The following SNX29 variants were observed in gnomAD, a reference collection of about 807,000 sequenced individuals.
SNX29 encodes the protein sorting nexin-29.
In SNX29, 78 loss-of-function variants were observed where a neutral mutation model predicts 102.1. The observed-to-expected ratio is 0.76, with a 90% CI of 0.64 to 0.92. The LOEUF is 0.92. Among genes scored for constraint, SNX29 ranks in the 40% least tolerant of loss-of-function variants. The probability of loss-of-function intolerance (pLI) is 0.00; values close to 1 mark genes in which losing one functional copy is unlikely to be tolerated. For missense variants in SNX29, 1,280 were observed against 1,061.7 expected, an observed-to-expected ratio of 1.21 and a Z score of -2.86; for synonymous variants, 580 against 414.5, an observed-to-expected ratio of 1.40 and a Z score of -4.85.
At chr16:12,073,812 T>C (rs2051416951) in intron 10 of SNX29, among the ~76,000 whole-genome samples, 1 of 152,054 alleles carries the variant, frequency 6.6e-6, no homozygotes, top group South Asian at 2.1e-4. Context: ...TAAGTCTCTT[T>C]GTAGGTCACT....
chr16:12,427,615 C>G (rs2085135160), intron 18 of SNX29, among the ~76,000 whole-genome samples: 1 of 152,146 alleles, frequency 6.6e-6, no homozygotes, highest in Admixed American at 6.5e-5. Context: ...AACAGTGACC[C>G]AAAGCATCGG....
At chr16:12,552,236 C>T (rs139360111) in intron 20 of SNX29, among the ~76,000 whole-genome samples, 441 of 149,428 alleles carry the variant, frequency 3.0e-3, no homozygotes, top group Non-Finnish European at 5.1e-3. Context: ...CAGCACCATG[C>T]CCCAGCTTTG....
At chr16:12,545,325 G>C (rs2077541936) in intron 20 of SNX29, among the ~76,000 whole-genome samples, 1 of 149,080 alleles carries the variant, frequency 6.7e-6, no homozygotes, top group East Asian at 1.9e-4. Flanking sequence ...ATCCACCAGA[G>C]AAAGGGTGTC....
chr16:12,438,987 C>A (rs753442627), intron 18 of SNX29, among the ~76,000 whole-genome samples: 1 of 152,174 alleles, frequency 6.6e-6, no homozygotes, highest in African/African-American at 2.4e-5. Context: ...GGATTGTCCA[C>A]CTGCCATGTA....
intron 16 of SNX29, among the ~76,000 whole-genome samples, chr16:12,357,030 T>G (rs2082154740): frequency 6.6e-6 from 1 of 152,266 alleles, no homozygotes; most frequent in Non-Finnish European, 1.5e-5. Context: ...CAGTAGTGTC[T>G]TTGTAAACAT....
At chr16:12,109,669 G>A (rs1368548571) in intron 11 of SNX29, among the ~76,000 whole-genome samples, 3 of 152,036 alleles carry the variant, frequency 2.0e-5, no homozygotes, top group Admixed American at 6.6e-5. Context: ...ATGCCCAGCC[G>A]TGCAGACTCT....
At chr16:12,567,725 G>C (rs947558576) in intron 20 of SNX29, among the ~76,000 whole-genome samples, 1 of 152,158 alleles carries the variant, frequency 6.6e-6, no homozygotes, top group African/African-American at 2.4e-5. Context: ...TTACACGATT[G>C]CACTGTAAAA....
At chr16:12,410,179 A>G (rs1338650985) in intron 18 of SNX29, among the ~76,000 whole-genome samples, 1 of 152,026 alleles carries the variant, frequency 6.6e-6, no homozygotes, top group East Asian at 1.9e-4. Context: ...TAGTTTTAGT[A>G]GAGACAGGGT....
At chr16:12,454,311 G>A (rs1363466791) in intron 18 of SNX29, among the ~76,000 whole-genome samples, 2 of 152,204 alleles carry the variant, frequency 1.3e-5, no homozygotes, top group Non-Finnish European at 2.9e-5. Flanking sequence ...AAGGAGAGCA[G>A]CCATCCCAAT....
intron 20 of SNX29, among the ~76,000 whole-genome samples, chr16:12,566,881 C>T (rs568502304): frequency 1.3e-5 from 2 of 152,234 alleles, no homozygotes; most frequent in African/African-American, 2.4e-5. Flanking sequence ...AAAGCAACAA[C>T]TTGACTTACA....
rs893659716 is a variant in SNX29 at position 12,403,431 on chromosome 16, C to G, written c.1956-17C>G. On this transcript the variant is annotated splice_polypyrimidine_tract_variant and intron_variant, in intron 17 of 20. Coordinates refer to ENST00000566228, the MANE Select transcript of SNX29 (RefSeq NM_032167.5). ...TAAAATGTCTAATGTTGGTCTCTCTCTCTTCCTTTTGGTTAGATCAAACCG... is the reference window on the plus strand; with the variant it reads ...TAAAATGTCTAATGTTGGTCTCTCTGTCTTCCTTTTGGTTAGATCAAACCG... The G allele has an allele frequency of 1.6e-5, 26 of 1,595,182 alleles. 1 individual carries two copies. The Middle Eastern group carries it at 9.9e-4, about 61-fold the overall frequency.
At chr16:12,299,173 G>A (rs986035233) in intron 15 of SNX29, among the ~76,000 whole-genome samples, 4 of 151,994 alleles carry the variant, frequency 2.6e-5, no homozygotes, top group African/African-American at 9.7e-5. Context: ...GGTGGCACAT[G>A]CTTGTAATCT....
At chr16:12,481,536 A>ACACG (rs1213129385) in intron 19 of SNX29, among the ~76,000 whole-genome samples, 1 of 150,978 alleles carries the variant, frequency 6.6e-6, no homozygotes, top group East Asian at 2.0e-4. Context: ...ACACACACAC[A>ACACG]CACACACACA....
intron 18 of SNX29, among the ~76,000 whole-genome samples, chr16:12,473,376 A>AC (rs1163973477): frequency 6.6e-6 from 1 of 152,198 alleles, no homozygotes; most frequent in Non-Finnish European, 1.5e-5. Context: ...GGAATGTCTG[A>AC]CAGCAAGGAG....
intron 18 of SNX29, among the ~76,000 whole-genome samples, chr16:12,445,075 TC>T (rs1205655324): frequency 1.3e-5 from 2 of 152,140 alleles, no homozygotes; most frequent in African/African-American, 4.8e-5. Flanking sequence ...GATCTTGAAC[TC>T]CTGACCTGAA....
intron 20 of SNX29, chr16:12,561,102 A>T (rs1175664005): frequency 8.8e-6 from 2 of 226,768 alleles, no homozygotes; most frequent in Non-Finnish European, 1.8e-5. Context: ...GTGGAATTAG[A>T]TTTCACGGGG....
chr16:12,135,277 A>T (rs553964756), intron 13 of SNX29, among the ~76,000 whole-genome samples: 1 of 152,226 alleles, frequency 6.6e-6, no homozygotes, highest in Admixed American at 6.5e-5. Context: ...GCCCACACAC[A>T]TGGATATGCA....
chr16:12,437,520 A>G (rs563271981), intron 18 of SNX29, among the ~76,000 whole-genome samples: 1 of 152,324 alleles, frequency 6.6e-6, no homozygotes, highest in Admixed American at 6.5e-5. Flanking sequence ...CTCAGGACAT[A>G]CATATGAAGT....
intron 20 of SNX29, among the ~76,000 whole-genome samples, chr16:12,560,279 C>T (rs1293955090): frequency 1.3e-5 from 2 of 152,024 alleles, no homozygotes; most frequent in East Asian, 1.9e-4. Context: ...GCAGCAATGT[C>T]ACAGTGTTAT....
Sources: gnomAD v4.1 joint callset for allele counts (sites outside exome capture counted in the v4.1 genomes callset) on GRCh38, gnomAD v4.1.1 for gene constraint, MANE v1.5 for transcripts, NCBI Gene and HGNC (gene_info 2026-07-23, HGNC 2026-07-21) for gene names.